The following SOBP variants were observed in gnomAD, a reference collection of about 807,000 sequenced individuals.
SOBP encodes the protein sine oculis binding protein homolog, also known as sine oculis-binding protein homolog.
In SOBP, 4 loss-of-function variants were observed where a neutral mutation model predicts 53.6. The ratio of observed to expected loss-of-function variants is 0.07; its 90% CI spans 0.04 to 0.17. The LOEUF (loss-of-function observed/expected upper bound fraction) is 0.17, where lower values mean the gene tolerates loss of function less well. Among genes scored for constraint, SOBP ranks in the 10% least tolerant of loss-of-function variants. SOBP has a pLI of 1.00. For synonymous variants in SOBP, 584 were observed against 522.6 expected (o/e 1.12, Z -1.60); for missense variants, 1,088 against 1,204.7 (o/e 0.90, Z 1.43).
At chr6:107,541,834 G>A (rs1784155179) in intron 4 of SOBP, among the ~76,000 whole-genome samples, 1 of 151,944 alleles carries the variant, frequency 6.6e-6, no homozygotes, top group Non-Finnish European at 1.5e-5. Flanking sequence ...CATAAGTGGA[G>A]CAATATAAAT....
intron 1 of SOBP, 101 bp downstream of exon 1, chr6:107,490,813 A>C (rs1782561041): frequency 1.1e-6 from 1 of 890,772 alleles, no homozygotes; most frequent in African/African-American, 1.7e-5. Context: ...CGCGCTTGTC[A>C]GTTTCTGTAG....
chr6:107,604,894 G>A (rs1786315025), intron 5 of SOBP, among the ~76,000 whole-genome samples: 1 of 152,182 alleles, frequency 6.6e-6, no homozygotes, highest in South Asian at 2.1e-4. Flanking sequence ...AGTTAGTGAA[G>A]GGCATTTATG....
chr6:107,494,926 G>C lies in SOBP; in HGVS notation c.96+4214G>C, dbSNP rs566617230. ...AGACAATAAAGCAAGTTGCAGAGCC[G>C]AGCTGGTGAGATAAATAGCTTGATT... On this transcript the variant is annotated intron_variant, in intron 1 of 6. Coordinates refer to ENST00000317357, the MANE Select transcript of SOBP (RefSeq NM_018013.4). Among the ~76,000 whole-genome samples, 84 of 152,206 alleles carry C rather than the reference G, an allele frequency of 5.5e-4. 2 individuals are homozygous for C. Among genetic ancestry groups the C allele is most frequent in the South Asian group, 2.5e-3 (12 of 4,828 alleles).
In SOBP at chr6:107,634,827, A is replaced by G. The variant is rs939477995; in HGVS notation, c.1983A>G (p.Arg661=). Residue 661 remains arginine, a synonymous_variant, in exon 6 of 7, where the codon CGA becomes CGG. Coordinates refer to ENST00000317357, the MANE Select transcript of SOBP (RefSeq NM_018013.4). The surrounding 1 kb of genome is among the most constrained non-coding windows in gnomAD (Gnocchi z 4.5). ...TCATCGACCTGACCGTGGGCCACCGAGCCCGGCTGCACAACGTGATCCACC... is the reference window on the plus strand; with the variant it reads ...TCATCGACCTGACCGTGGGCCACCGGGCCCGGCTGCACAACGTGATCCACC... ...DGVIDLTVGH[R]ARLHNVIHRA... The G allele has an allele frequency of 5.7e-6, 8 of 1,407,976 alleles. No homozygotes were observed. Among genetic ancestry groups the G allele is most frequent in the Non-Finnish European group, 6.5e-6 (7 of 1,077,894 alleles). The allele number at this position is 1,407,976 out of a possible 1,614,324, so 87.2% of individuals were successfully genotyped here.
At chr6:107,519,863 C>G (rs1372130318) in intron 3 of SOBP, among the ~76,000 whole-genome samples, 1 of 152,098 alleles carries the variant, frequency 6.6e-6, no homozygotes, top group Non-Finnish European at 1.5e-5. Flanking sequence ...GATCACATGC[C>G]CATTAAAGCA....
chr6:107,646,762 G>A (rs904933931), intron 6 of SOBP, among the ~76,000 whole-genome samples: 1 of 152,194 alleles, frequency 6.6e-6, no homozygotes, highest in African/African-American at 2.4e-5. Context: ...TTCCACATGT[G>A]GTGCCAGTGG....
intron 3 of SOBP, among the ~76,000 whole-genome samples, chr6:107,518,701 T>G (rs1342454060): frequency 2.6e-5 from 4 of 151,388 alleles, no homozygotes; most frequent in Non-Finnish European, 5.9e-5. Context: ...GTCATGAAGT[T>G]GACTGTGGAA....
At position 107,596,037 on chromosome 6, in the gene SOBP, T is replaced by C. The variant is rs574976759; in HGVS notation, c.669+8862T>C. Among the ~76,000 whole-genome samples the C allele has an allele frequency of 4.6e-5, 7 of 152,340 alleles. No individual in the cohort carries two copies. In the South Asian group the frequency reaches 8.3e-4, roughly 18 times the overall value. On this transcript the variant is annotated intron_variant, in intron 5 of 6. Coordinates refer to ENST00000317357, the MANE Select transcript of SOBP (RefSeq NM_018013.4). ...TACATGCTACCAGGAACTGAGACTT[T>C]TGCCAGAGTACAGTACTCATTCTCT...
chr6:107,520,370 G>A (rs966369020), intron 3 of SOBP, among the ~76,000 whole-genome samples: 1 of 152,178 alleles, frequency 6.6e-6, no homozygotes, highest in Non-Finnish European at 1.5e-5. Flanking sequence ...TTACAGCAGA[G>A]GAAATGAGGT....
intron 4 of SOBP, among the ~76,000 whole-genome samples, chr6:107,543,636 A>G (rs746502433): frequency 2.0e-5 from 3 of 152,192 alleles, no homozygotes; most frequent in Non-Finnish European, 4.4e-5. Flanking sequence ...TGGGAGATGC[A>G]AGCAAATGCC....
intron 6 of SOBP, among the ~76,000 whole-genome samples, chr6:107,657,924 CT>C (rs1273950443): frequency 6.6e-6 from 1 of 151,924 alleles, no homozygotes; most frequent in African/African-American, 2.4e-5. Context: ...ATGCTGTGGT[CT>C]TTGGGTGAGG....
intron 3 of SOBP, among the ~76,000 whole-genome samples, chr6:107,524,940 T>C (rs1310400714): frequency 1.3e-5 from 2 of 152,240 alleles, no homozygotes; most frequent in Non-Finnish European, 2.9e-5. Flanking sequence ...CTCTCTCCTT[T>C]TCAAAGATTC....
Position 107,634,223 on chromosome 6 carries a change from T to G in SOBP, c.1379T>G (p.Ile460Ser). The change falls in exon 6 of 7, where the codon ATC becomes AGC. Residue 460 changes from isoleucine (I) to serine (S), a missense_variant. By Grantham distance (142) the Ile-to-Ser change is moderately radical (BLOSUM62 -2). Around this residue, in one of 6 missense-constraint regions of SOBP, gnomAD observed 665 missense variants for 629.7 expected, o/e 1.06. Transcript: ENST00000317357. This position sits in a 1 kb window ranked among gnomAD's most constrained non-coding sequence, Gnocchi z 4.5. ...PMHRPMLSPH[I>S]HPPSTPTMPG... Reference sequence around the variant, plus strand: ...CACCGGCCCATGCTATCGCCCCACATCCACCCCCCGAGCACCCCCACCATG... The same window carrying G: ...CACCGGCCCATGCTATCGCCCCACAGCCACCCCCCGAGCACCCCCACCATG... 6.3e-7 allele frequency: 1 copy of G among 1,588,964 alleles called. No homozygotes were observed. The highest frequency in any genetic ancestry group is 8.5e-7 in the Non-Finnish European group (1 of 1,172,106).
At chr6:107,591,971 T>TTG (rs1400236924) in intron 5 of SOBP, among the ~76,000 whole-genome samples, 6 of 68,000 alleles carry the variant, frequency 8.8e-5, no homozygotes, top group African/African-American at 3.1e-4. Context: ...TTTTGGTGTT[T>TTG]TTTTTTTTTT....
chr6:107,518,432 C>T (rs1244894258), intron 3 of SOBP, among the ~76,000 whole-genome samples: 2 of 152,100 alleles, frequency 1.3e-5, no homozygotes, highest in African/African-American at 4.8e-5. Context: ...AGCTGATTGG[C>T]AATATCTATT....
At chr6:107,548,024 A>T (rs961396985) in intron 4 of SOBP, among the ~76,000 whole-genome samples, 5 of 152,146 alleles carry the variant, frequency 3.3e-5, no homozygotes, top group African/African-American at 1.2e-4. Context: ...TAGTTTGATG[A>T]CTTTTTACTT....
chr6:107,597,998 T>G (rs762852371), intron 5 of SOBP, among the ~76,000 whole-genome samples: 1 of 152,168 alleles, frequency 6.6e-6, no homozygotes, highest in Non-Finnish European at 1.5e-5. Flanking sequence ...GGGGTGTGTG[T>G]GTGTTACCCA....
At chr6:107,528,065 A>G (rs2089955396) in intron 3 of SOBP, among the ~76,000 whole-genome samples, 1 of 152,182 alleles carries the variant, frequency 6.6e-6, no homozygotes, top group Non-Finnish European at 1.5e-5. Flanking sequence ...TACCTTTCTC[A>G]TTGGAACCCT....
chr6:107,656,351 A>AAG (rs1772061553), intron 6 of SOBP, among the ~76,000 whole-genome samples: 1 of 34,622 alleles, frequency 2.9e-5, no homozygotes, highest in South Asian at 5.4e-4. Context: ...AAGAGAAAGA[A>AAG]AGAAAGAAAG....
Sources: allele counts gnomAD v4.1 joint callset (sites outside exome capture counted in the v4.1 genomes callset), GRCh38; gene constraint gnomAD v4.1.1; regional missense constraint gnomAD v4.1.1; non-coding constraint Gnocchi (gnomAD v3.1); transcripts MANE v1.5; gene names NCBI Gene and HGNC (gene_info 2026-07-23, HGNC 2026-07-21).